Variants in CEP112 observed in about 807,000 individuals in gnomAD.
CEP112 encodes centrosomal protein 112.
CEP112 carries 127 observed loss-of-function variants against 153.0 expected under a neutral mutation model. That is an observed-to-expected ratio of 0.83 (90% CI 0.72 to 0.96). The LOEUF (loss-of-function observed/expected upper bound fraction) is 0.96, where lower values mean the gene tolerates loss of function less well. Among genes scored for constraint, CEP112 ranks in the 40% least tolerant of loss-of-function variants. The probability of loss-of-function intolerance (pLI) is 0.00; values close to 1 mark genes in which losing one functional copy is unlikely to be tolerated. For synonymous variants in CEP112, 358 were observed against 374.4 expected, an observed-to-expected ratio of 0.96 and a Z score of 0.51; for missense variants, 1,089 against 1,101.2, an observed-to-expected ratio of 0.99 and a Z score of 0.16.
intron 16 of CEP112, among the ~76,000 whole-genome samples, chr17:66,012,164 T>G (rs1373919221): frequency 1.3e-5 from 2 of 152,206 alleles, no homozygotes; most frequent in African/African-American, 2.4e-5. Context: ...GGGTCTTGCC[T>G]CTTTATCCAA....
intron 8 of CEP112, among the ~76,000 whole-genome samples, chr17:66,072,288 A>G (rs1326502423): frequency 6.6e-6 from 1 of 152,196 alleles, no homozygotes; most frequent in Non-Finnish European, 1.5e-5. Flanking sequence ...GAAATGTAAT[A>G]TTAACACAAT....
chr17:66,155,832 G>A (rs1219695496), intron 4 of CEP112, among the ~76,000 whole-genome samples: 1 of 152,224 alleles, frequency 6.6e-6, no homozygotes, highest in African/African-American at 2.4e-5. Flanking sequence ...TGCCTCTCTA[G>A]ATTCCTCCTC....
In CEP112 at chr17:66,027,483, T is replaced by A; in HGVS notation, c.1656+18A>T. ...TTTGCTATTTTAAATATTTTATAGC[T>A]TCCATAAAACATATTACCTTTTTTT... is the stretch of plus-strand genomic sequence containing the variant. On this transcript the variant is annotated intron_variant, in intron 16 of 26. Transcript: ENST00000535342. 1 of 1,346,164 alleles carries A rather than the reference T, an allele frequency of 7.4e-7. No individual in the cohort carries two copies. Among genetic ancestry groups the A allele is most frequent in the Non-Finnish European group, 9.9e-7 (1 of 1,009,454 alleles). The allele number at this position is 1,346,164 out of a possible 1,614,324, so 83.4% of individuals were successfully genotyped here. A position where few individuals can be genotyped will look rare whatever the true frequency, so the allele number is the denominator to read the frequency against.
intron 18 of CEP112, among the ~76,000 whole-genome samples, chr17:65,959,637 C>T (rs1568294407): frequency 6.6e-6 from 1 of 152,176 alleles, no homozygotes. Context: ...TCCTGTGGTT[C>T]CTGGCATCTC....
In CEP112 at chr17:65,970,305, T is replaced by C. The variant is rs1170646905; in HGVS notation, c.1737-8707A>G. Among the ~76,000 whole-genome samples, 4 of 115,198 alleles carry C rather than the reference T, an allele frequency of 3.5e-5. 2 individuals are homozygous for C. The highest frequency in any genetic ancestry group is 2.2e-4 in the Admixed American group (2 of 9,072). 75.6% of individuals were successfully genotyped at this position (115,198 alleles called of 152,430 possible). On this transcript the variant is annotated intron_variant, in intron 17 of 26. Coordinates refer to ENST00000535342, the MANE Select transcript of CEP112 (RefSeq NM_001199165.4). ...TAGCATGGATGTCATACTGCATGTGTATCTCATATGTAAAACATATTGCAT... is the reference window on the plus strand; with the variant it reads ...TAGCATGGATGTCATACTGCATGTGCATCTCATATGTAAAACATATTGCAT...
chr17:65,688,970 G>T, intron 24 of CEP112, 159 bp downstream of exon 24: 1 of 516,492 alleles, frequency 1.9e-6, no homozygotes. Flanking sequence ...GTTTCACCAT[G>T]TTGGCCAGGC....
intron 4 of CEP112, among the ~76,000 whole-genome samples, chr17:66,135,633 T>G (rs2146569955): frequency 6.6e-6 from 1 of 152,254 alleles, no homozygotes; most frequent in East Asian, 1.9e-4. Flanking sequence ...AAAAATTCAG[T>G]ACATTTGTAA....
At chr17:66,109,935 CA>C (rs1173718424) in intron 6 of CEP112, among the ~76,000 whole-genome samples, 9 of 152,076 alleles carry the variant, frequency 5.9e-5, no homozygotes, top group African/African-American at 1.9e-4. Context: ...CTGAGGCGAG[CA>C]GATCATGAGG....
chr17:66,021,186 C>T (rs895584139), intron 16 of CEP112, among the ~76,000 whole-genome samples: 4 of 152,054 alleles, frequency 2.6e-5, no homozygotes, highest in Non-Finnish European at 4.4e-5. Flanking sequence ...ACCTGGGACC[C>T]AACAGGACAA....
At chr17:65,971,571 A>T (rs968512725) in intron 17 of CEP112, among the ~76,000 whole-genome samples, 4 of 152,052 alleles carry the variant, frequency 2.6e-5, no homozygotes, top group African/African-American at 9.7e-5. Context: ...TGTTGTATGT[A>T]TATGGCATGT....
chr17:65,699,255 T>C (rs1281383817), intron 23 of CEP112, among the ~76,000 whole-genome samples: 2 of 152,224 alleles, frequency 1.3e-5, no homozygotes, highest in African/African-American at 4.8e-5. Context: ...TTATTTACAC[T>C]ACGGTAATGA....
chr17:65,952,631 G>A (rs1386492268), intron 18 of CEP112, among the ~76,000 whole-genome samples: 2 of 152,002 alleles, frequency 1.3e-5, no homozygotes, highest in African/African-American at 4.8e-5. Context: ...AAATACATAG[G>A]AATGGAATGA....
At chr17:66,069,855 C>A in intron 9 of CEP112, 60 bp downstream of exon 9, 2 of 947,154 alleles carry the variant, frequency 2.1e-6, no homozygotes, top group Non-Finnish European at 3.3e-6. Context: ...GATGGATCAT[C>A]ATAAAACCTA....
chr17:65,768,316 C>A (rs1407804025), intron 21 of CEP112, among the ~76,000 whole-genome samples: 1 of 151,960 alleles, frequency 6.6e-6, no homozygotes, highest in East Asian at 1.9e-4. Flanking sequence ...TCCGTGACAT[C>A]TTGATGTTGA....
At chr17:65,639,439 G>T (rs1454398316) in intron 25 of CEP112, among the ~76,000 whole-genome samples, 1 of 152,024 alleles carries the variant, frequency 6.6e-6, no homozygotes, top group Admixed American at 6.6e-5. Context: ...GCAAAATGAG[G>T]CTGAGGTGGG....
chr17:66,019,572 T>C (rs372283338), intron 16 of CEP112, among the ~76,000 whole-genome samples: 1 of 152,222 alleles, frequency 6.6e-6, no homozygotes, highest in Admixed American at 6.5e-5. Flanking sequence ...TTTCTTCCAA[T>C]GTAAATAATG....
intron 17 of CEP112, among the ~76,000 whole-genome samples, chr17:65,990,931 G>A (rs80200035): frequency 0.12 from 17,540 of 152,180 alleles, 1,114 homozygotes; most frequent in South Asian, 0.16. Context: ...ACTCAGTGCT[G>A]CCCTGTCACA....
Position 66,070,014 on chromosome 17 carries a change from T to C in CEP112, c.769-13A>G. 6 of 1,506,762 alleles carry C rather than the reference T, an allele frequency of 4.0e-6. No homozygotes were observed. The highest frequency in any genetic ancestry group is 2.3e-5 in the East Asian group (1 of 44,114). The allele number at this position is 1,506,762 out of a possible 1,614,324, so 93.3% of individuals were successfully genotyped here. ...TTTTCATGTCCAGCTTCAAGAAAAA[T>C]ATTTCAAGGGTGTTATTAATTTACT... is the stretch of plus-strand genomic sequence containing the variant. On this transcript the variant is annotated splice_polypyrimidine_tract_variant and intron_variant, in intron 8 of 26. Coordinates refer to ENST00000535342, the MANE Select transcript of CEP112 (RefSeq NM_001199165.4).
intron 1 of CEP112, among the ~76,000 whole-genome samples, chr17:66,184,628 C>G (rs758874300): frequency 4.7e-4 from 72 of 152,176 alleles, no homozygotes; most frequent in Non-Finnish European, 1.6e-4. Context: ...ACAACAGAAA[C>G]TCTCATGCAT....
Sources: gnomAD v4.1 joint callset for allele counts (sites outside exome capture counted in the v4.1 genomes callset) on GRCh38, gnomAD v4.1.1 for gene constraint, MANE v1.5 for transcripts, NCBI Gene and HGNC (gene_info 2026-07-23, HGNC 2026-07-21) for gene names.